SLC25A26: variants seen among roughly 807,000 people sequenced by gnomAD.
The protein encoded by SLC25A26 is solute carrier family 25 member 26.
In SLC25A26, 36 loss-of-function variants were observed where a neutral mutation model predicts 37.8. The observed-to-expected ratio is 0.95, with a 90% CI of 0.73 to 1.26. The LOEUF is 1.26. SLC25A26 is among the 50% of genes most tolerant of loss of function. The probability of loss-of-function intolerance (pLI) is 0.00; values close to 1 mark genes in which losing one functional copy is unlikely to be tolerated. For synonymous variants in SLC25A26, 129 were observed against 122.5 expected, an observed-to-expected ratio of 1.05 and a Z score of -0.35; for missense variants, 390 against 331.1, an observed-to-expected ratio of 1.18 and a Z score of -1.38.
chr3:66,276,604 A>C (rs1008891404), intron 5 of SLC25A26, among the ~76,000 whole-genome samples: 1 of 143,668 alleles, frequency 7.0e-6, no homozygotes, highest in East Asian at 1.9e-4. Context: ...AGGGGTGCTT[A>C]AAAATGTTTT....
chr3:66,260,557 G>A (rs1459140178), intron 3 of SLC25A26, among the ~76,000 whole-genome samples: 2 of 152,124 alleles, frequency 1.3e-5, no homozygotes, highest in Non-Finnish European at 2.9e-5. Flanking sequence ...ATGAAGCATT[G>A]TTACTTCTTA....
intron 5 of SLC25A26, among the ~76,000 whole-genome samples, chr3:66,322,832 C>T (rs1000755640): frequency 2.0e-5 from 3 of 152,144 alleles, no homozygotes; most frequent in Non-Finnish European, 2.9e-5. Flanking sequence ...TTGAAGACCA[C>T]AGATCATTGA....
intron 5 of SLC25A26, among the ~76,000 whole-genome samples, chr3:66,313,044 G>A (rs13322886): frequency 0.24 from 35,960 of 151,956 alleles, 4,915 homozygotes; most frequent in African/African-American, 0.38. Context: ...TCAGATGGAT[G>A]GATAGCAAAA....
At chr3:66,158,531 C>G (rs1230124777) in intron 1 of SLC25A26, among the ~76,000 whole-genome samples, 2 of 152,110 alleles carry the variant, frequency 1.3e-5, no homozygotes, top group Non-Finnish European at 2.9e-5. Flanking sequence ...AACTGCCAAC[C>G]TGTTTTCCGA....
intron 5 of SLC25A26, among the ~76,000 whole-genome samples, chr3:66,274,369 G>C (rs1425909617): frequency 6.6e-6 from 1 of 151,760 alleles, no homozygotes; most frequent in Non-Finnish European, 1.5e-5. Context: ...AACACCAAAA[G>C]CAATGGCAAC....
At chr3:66,157,169 G>A (rs964407474) in intron 1 of SLC25A26, among the ~76,000 whole-genome samples, 4 of 152,164 alleles carry the variant, frequency 2.6e-5, no homozygotes, top group African/African-American at 9.7e-5. Flanking sequence ...GGGAGGTCGA[G>A]GCTTCAGTGA....
chr3:66,251,054 G>A (rs1344369748), intron 3 of SLC25A26, among the ~76,000 whole-genome samples: 5 of 152,026 alleles, frequency 3.3e-5, no homozygotes, highest in Non-Finnish European at 2.9e-5. Flanking sequence ...TTGTTAGGTG[G>A]GTGGGTGCAA....
intron 1 of SLC25A26, among the ~76,000 whole-genome samples, chr3:66,204,812 G>A (rs2071156636): frequency 6.6e-6 from 1 of 152,190 alleles, no homozygotes; most frequent in African/African-American, 2.4e-5. Context: ...AGTAGGCAAA[G>A]TTAGGGTGCC....
chr3:66,194,709 C>A (rs1173657446), intron 1 of SLC25A26, among the ~76,000 whole-genome samples: 3 of 152,236 alleles, frequency 2.0e-5, no homozygotes, highest in Non-Finnish European at 4.4e-5. Flanking sequence ...TCAAGTGATT[C>A]TCCTGAGTCA....
intron 1 of SLC25A26, among the ~76,000 whole-genome samples, chr3:66,208,670 ATATATATACACATTTATATGGG>A (rs2071213809): frequency 2.0e-5 from 3 of 146,736 alleles, no homozygotes; most frequent in Admixed American, 7.0e-5. Context: ...GGGTATATAT[ATATATATACACATTTATATGGG>A]TATATATATA....
At chr3:66,286,951 C>T (rs1349994788) in intron 5 of SLC25A26, among the ~76,000 whole-genome samples, 1 of 152,108 alleles carries the variant, frequency 6.6e-6, no homozygotes, top group African/African-American at 2.4e-5. Context: ...GCATGAGCCA[C>T]CGTGCCTGGC....
rs928180788 is a variant in SLC25A26, at chr3:66,367,148, T to C, written c.569-2330T>C. On this transcript the variant is annotated intron_variant, in intron 7 of 9. Transcript: ENST00000354883. ...ACGAAGAAAAAGCACTCATTAGCTC[T>C]GGCCACCAAGGAAAGAGTTAATTAT... Among the ~76,000 whole-genome samples the C allele has an allele frequency of 2.0e-5, 3 of 152,228 alleles. No individual in the cohort carries two copies. In the South Asian group the frequency reaches 6.2e-4, roughly 31 times the overall value.
intron 1 of SLC25A26, among the ~76,000 whole-genome samples, chr3:66,197,562 C>G (rs2071061706): frequency 1.3e-5 from 2 of 151,962 alleles, no homozygotes; most frequent in African/African-American, 2.4e-5. Flanking sequence ...AAATAATTGT[C>G]AGGCTAAGTA....
chr3:66,143,367 C>T (rs898089300), intron 1 of SLC25A26, among the ~76,000 whole-genome samples: 1 of 152,150 alleles, frequency 6.6e-6, no homozygotes, highest in African/African-American at 2.4e-5. Flanking sequence ...AGCAAAATTG[C>T]TGGGTCATGT....
chr3:66,300,883 A>G (rs2075057196), intron 5 of SLC25A26, among the ~76,000 whole-genome samples: 1 of 152,186 alleles, frequency 6.6e-6, no homozygotes, highest in Non-Finnish European at 1.5e-5. Context: ...CTGTATATGC[A>G]GAGTTTTTTG....
chr3:66,280,708 A>G (rs960291269), intron 5 of SLC25A26, among the ~76,000 whole-genome samples: 20 of 152,130 alleles, frequency 1.3e-4, no homozygotes, highest in Admixed American at 5.9e-4. Flanking sequence ...AAAAATTACA[A>G]TTTATAGAAA....
chr3:66,313,728 A>T (rs2075449240), intron 5 of SLC25A26, among the ~76,000 whole-genome samples: 1 of 152,142 alleles, frequency 6.6e-6, no homozygotes, highest in Admixed American at 6.5e-5. Context: ...CCATTTTTGT[A>T]ATACTGATTC....
chr3:66,293,706 C>G (rs1438862584), intron 5 of SLC25A26, among the ~76,000 whole-genome samples: 1 of 152,114 alleles, frequency 6.6e-6, no homozygotes, highest in Admixed American at 6.5e-5. Context: ...CATATTCCTG[C>G]AAAGGAAGTG....
chr3:66,287,113 G>A (rs943439526), intron 5 of SLC25A26, among the ~76,000 whole-genome samples: 9 of 152,068 alleles, frequency 5.9e-5, no homozygotes, highest in Non-Finnish European at 1.3e-4. Flanking sequence ...TGGCTAACAC[G>A]GAGAAACCCC....
Sources: gnomAD v4.1 joint callset for allele counts (sites outside exome capture counted in the v4.1 genomes callset) on GRCh38, gnomAD v4.1.1 for gene constraint, MANE v1.5 for transcripts, NCBI Gene and HGNC (gene_info 2026-07-23, HGNC 2026-07-21) for gene names.